PRKACB: variants seen among roughly 807,000 people sequenced by gnomAD.
The protein encoded by PRKACB is protein kinase cAMP-activated catalytic subunit beta.
Under a neutral mutation model 51.4 loss-of-function variants are expected in PRKACB, and 16 were observed. The ratio of observed to expected loss-of-function variants is 0.31; its 90% CI spans 0.21 to 0.47. The LOEUF (loss-of-function observed/expected upper bound fraction) is 0.47, where lower values mean the gene tolerates loss of function less well. Ranked by LOEUF, PRKACB falls within the 20% of genes least tolerant of loss-of-function variation. The pLI, the probability that PRKACB is intolerant of heterozygous loss-of-function variation, is 1.00. For synonymous variants in PRKACB, 147 were observed against 154.4 expected (o/e 0.95, Z 0.35); for missense variants, 309 against 464.5 (o/e 0.67, Z 3.08).
At position 84,201,313 on chromosome 1, in the gene PRKACB, A is replaced by T. The variant is rs377121141; in HGVS notation, c.784-1370A>T. ...TTTATTTATTTTTCAAATGGTTAAT[A>T]GCCATTTGGTATTTCTTTATGTGTC... On this transcript the variant is annotated intron_variant, in intron 7 of 9. Transcript: ENST00000370685. Among the ~76,000 whole-genome samples the T allele has an allele frequency of 3.3e-5, 5 of 152,210 alleles. No homozygotes were observed. The East Asian group carries it at 9.6e-4, about 29-fold the overall frequency.
chr1:84,198,549 T>G (rs1668841342), intron 7 of PRKACB, among the ~76,000 whole-genome samples: 1 of 152,124 alleles, frequency 6.6e-6, no homozygotes, highest in Non-Finnish European at 1.5e-5. Context: ...CTTTCAACTT[T>G]TCTCTCATTA....
At chr1:84,191,850 A>G (rs1666893945) in intron 5 of PRKACB, among the ~76,000 whole-genome samples, 1 of 152,120 alleles carries the variant, frequency 6.6e-6, no homozygotes. Flanking sequence ...TAAAAAATAA[A>G]TAATTAAAAA....
intron 1 of PRKACB, among the ~76,000 whole-genome samples, chr1:84,109,050 T>G (rs955242270): frequency 6.6e-6 from 1 of 151,996 alleles, no homozygotes; most frequent in African/African-American, 2.4e-5. Flanking sequence ...AATTTGTTTG[T>G]GGGATTCATT....
At chr1:84,102,335 C>G (rs1163990264) in intron 1 of PRKACB, among the ~76,000 whole-genome samples, 1 of 151,838 alleles carries the variant, frequency 6.6e-6, no homozygotes, top group African/African-American at 2.4e-5. Context: ...TGTAGTCAAC[C>G]GAGATTGCGC....
At chr1:84,078,201 C>G (rs1026026372) in exon 1 of PRKACB, 6 of 1,119,372 alleles carry the variant, frequency 5.4e-6, no homozygotes, top group Non-Finnish European at 7.4e-6. Flanking sequence ...ACTCCTGGCG[C>G]CAGCGCTAGG....
intron 1 of PRKACB, among the ~76,000 whole-genome samples, chr1:84,156,520 A>T (rs1655525623): frequency 6.6e-6 from 1 of 152,196 alleles, no homozygotes; most frequent in African/African-American, 2.4e-5. Flanking sequence ...ATGCTTAGTC[A>T]TCTTGGCTTC....
intron 7 of PRKACB, among the ~76,000 whole-genome samples, chr1:84,199,780 G>A (rs1373228754): frequency 1.3e-5 from 2 of 152,100 alleles, no homozygotes; most frequent in South Asian, 2.1e-4. Context: ...CAGTGTCTAA[G>A]TGTTCACTTT....
intron 9 of PRKACB, 54 bp from the exon 10 acceptor site, chr1:84,235,126 C>T (rs1676524233): frequency 6.5e-7 from 1 of 1,549,382 alleles, no homozygotes; most frequent in Non-Finnish European, 8.7e-7. Flanking sequence ...TGTTTGGAAA[C>T]TCTCAGGAAT....
chr1:84,117,760 T>C (rs1015474409), intron 1 of PRKACB, among the ~76,000 whole-genome samples: 5 of 152,216 alleles, frequency 3.3e-5, no homozygotes, highest in South Asian at 2.1e-4. Context: ...GTTGATCGTT[T>C]ATGTTGTTTT....
At chr1:84,194,061 A>G (rs902756384) in intron 5 of PRKACB, among the ~76,000 whole-genome samples, 1 of 152,116 alleles carries the variant, frequency 6.6e-6, no homozygotes, top group Non-Finnish European at 1.5e-5. Flanking sequence ...GCACTGTGCA[A>G]AGTAGCTTCT....
chr1:84,224,514 G>A (rs534937974), intron 9 of PRKACB, among the ~76,000 whole-genome samples: 162 of 152,346 alleles, frequency 1.1e-3, no homozygotes, highest in African/African-American at 2.8e-3. Flanking sequence ...GTAAGCGCCA[G>A]CAGTGGTAGT....
intron 1 of PRKACB, among the ~76,000 whole-genome samples, chr1:84,173,845 A>G (rs1235777824): frequency 6.6e-6 from 1 of 151,872 alleles, no homozygotes; most frequent in East Asian, 1.9e-4. Flanking sequence ...TGACACTATT[A>G]AAAACATTAT....
chr1:84,175,017 A>AT (rs1353268400), intron 1 of PRKACB: 10 of 1,470,530 alleles, frequency 6.8e-6, no homozygotes, highest in African/African-American at 4.4e-5. Context: ...TTTCTAATTT[A>AT]TTTTTTGGAC....
intron 9 of PRKACB, among the ~76,000 whole-genome samples, chr1:84,217,820 C>T (rs1159318533): frequency 6.6e-6 from 1 of 152,066 alleles, no homozygotes. Context: ...CCCTACTCCA[C>T]AATAAGTGTA....
intron 9 of PRKACB, among the ~76,000 whole-genome samples, chr1:84,222,733 CT>C (rs1344487925): frequency 1.3e-5 from 2 of 152,148 alleles, no homozygotes; most frequent in East Asian, 1.9e-4. Context: ...CTGGGAAAGA[CT>C]TTTTTTCTCC....
chr1:84,086,959 G>T (rs1327845756), intron 1 of PRKACB, among the ~76,000 whole-genome samples: 3 of 152,216 alleles, frequency 2.0e-5, no homozygotes, highest in African/African-American at 7.2e-5. Flanking sequence ...TAAAGCAAGG[G>T]TCTGCACCTA....
intron 1 of PRKACB, among the ~76,000 whole-genome samples, chr1:84,100,946 C>T (rs937887048): frequency 2.0e-5 from 3 of 152,100 alleles, no homozygotes; most frequent in Admixed American, 6.6e-5. Flanking sequence ...TGTTGTTAAC[C>T]GTGCCATATT....
At chr1:84,193,099 C>G (rs1046711595) in intron 5 of PRKACB, among the ~76,000 whole-genome samples, 3 of 152,240 alleles carry the variant, frequency 2.0e-5, no homozygotes, top group Non-Finnish European at 1.5e-5. Context: ...AAATAACCCT[C>G]CCCAACAGGA....
chr1:84,104,784 A>G (rs1237141951), intron 1 of PRKACB, among the ~76,000 whole-genome samples: 1 of 152,078 alleles, frequency 6.6e-6, no homozygotes, highest in Admixed American at 6.5e-5. Flanking sequence ...CAAACTGCCT[A>G]TGTCCCAGTC....
Sources: allele counts gnomAD v4.1 joint callset (sites outside exome capture counted in the v4.1 genomes callset), GRCh38; gene constraint gnomAD v4.1.1; transcripts MANE v1.5; gene names NCBI Gene and HGNC (gene_info 2026-07-23, HGNC 2026-07-21).